Variants in OSBPL3 observed in about 807,000 individuals in gnomAD.
OSBPL3 encodes the protein oxysterol-binding protein-related protein 3.
In OSBPL3, 65 loss-of-function variants were observed where a neutral mutation model predicts 120.1. That is an observed-to-expected ratio of 0.54 (90% CI 0.44 to 0.67). The LOEUF (loss-of-function observed/expected upper bound fraction) is 0.67, where lower values mean the gene tolerates loss of function less well. OSBPL3 is among the 30% of genes least tolerant of loss of function. The pLI, the probability that OSBPL3 is intolerant of heterozygous loss-of-function variation, is 0.00. For missense variants in OSBPL3, 1,004 were observed against 1,082.1 expected, an observed-to-expected ratio of 0.93 and a Z score of 1.01; for synonymous variants, 416 against 402.6, an observed-to-expected ratio of 1.03 and a Z score of -0.40.
At chr7:24,823,991 A>G (rs1795410416) in intron 16 of OSBPL3, among the ~76,000 whole-genome samples, 1 of 152,170 alleles carries the variant, frequency 6.6e-6, no homozygotes, top group Admixed American at 6.5e-5. Flanking sequence ...CAGTAAATGC[A>G]TTTGTCTGAA....
chr7:24,860,603 C>CT (rs932029134), intron 10 of OSBPL3, among the ~76,000 whole-genome samples: 4 of 152,168 alleles, frequency 2.6e-5, no homozygotes, highest in East Asian at 1.9e-4. Flanking sequence ...CATTAAACCT[C>CT]TTTTTCTTTA....
rs534360661 is a variant in OSBPL3, at chr7:24,865,968, TC to T, written c.549+101del. The T allele has an allele frequency of 1.3e-4, 116 of 864,198 alleles. No individual in the cohort carries two copies. In the African/African-American group the frequency reaches 1.6e-3, roughly 12 times the overall value. 53.5% of individuals were successfully genotyped at this position (864,198 alleles called of 1,614,324 possible). ...TACCAGCCCAAGCCTACCCTGCTTG[TC>T]CCCGAAAACTTTTCCTTCTTCGGAC... is the stretch of plus-strand genomic sequence containing the variant. On this transcript the variant is annotated intron_variant, in intron 6 of 22. Transcript: ENST00000313367.
rs530495590 is a variant in OSBPL3 at position 24,900,175 on chromosome 7, G to T, written c.-149-7554C>A. 6.6e-6 allele frequency among the ~76,000 whole-genome samples: 1 copy of T among 152,312 alleles called. No homozygotes were observed. Among genetic ancestry groups the T allele is most frequent in the East Asian group, 1.9e-4 (1 of 5,194 alleles). ...GACCAACAAAATCAGGAACTGAGAG[G>T]GGGACCCTGGGATCTGTTTTTCACA... On this transcript the variant is annotated intron_variant, in intron 1 of 22. Transcript: ENST00000313367. The surrounding 1 kb of genome is among the most constrained non-coding windows in gnomAD (Gnocchi z 4.5).
intron 16 of OSBPL3, among the ~76,000 whole-genome samples, chr7:24,826,402 G>A (rs1278872541): frequency 6.6e-6 from 1 of 152,180 alleles, no homozygotes; most frequent in Non-Finnish European, 1.5e-5. Flanking sequence ...CAGGAGTGGA[G>A]AACAAAGTCC....
At position 24,894,981 on chromosome 7, in the gene OSBPL3, T is replaced by TG. The variant is rs1221458703; in HGVS notation, c.-149-2361dup. Among the ~76,000 whole-genome samples, 1 of 152,102 alleles carries TG rather than the reference T, an allele frequency of 6.6e-6. No homozygotes were observed. The highest frequency in any genetic ancestry group is 1.5e-5 in the Non-Finnish European group (1 of 68,014). On this transcript the variant is annotated intron_variant, in intron 1 of 22. Coordinates refer to ENST00000313367, the MANE Select transcript of OSBPL3 (RefSeq NM_015550.4). This position sits in a 1 kb window ranked among gnomAD's most constrained non-coding sequence, Gnocchi z 4.1. ...ATGACCCCCTGGTGACCCCTACCCC[T>TG]GTCTCCTTTCCCCTTCTGGGAAAGA... is the stretch of plus-strand genomic sequence containing the variant.
intron 1 of OSBPL3, among the ~76,000 whole-genome samples, chr7:24,960,303 C>T (rs897573399): frequency 6.6e-6 from 1 of 152,016 alleles, no homozygotes; most frequent in Non-Finnish European, 1.5e-5. Context: ...AAAGGCATGC[C>T]CCGCTAGTGT....
rs1287585061 is a variant in OSBPL3 at position 24,922,906 on chromosome 7, AACAAACAAAAAAG to A, written c.-149-30298_-149-30286del. ...TTATTACTTTAGGGTCGATGCAGCA[AACAAACAAAAAAG>A]CAAGTTTGCTTACAGTTTTGGCAGT... On this transcript the variant is annotated intron_variant, in intron 1 of 22. Transcript: ENST00000313367. This position sits in a 1 kb window ranked among gnomAD's most constrained non-coding sequence, Gnocchi z 4.3. Among the ~76,000 whole-genome samples the A allele has an allele frequency of 9.3e-5, 14 of 149,908 alleles. No individual in the cohort carries two copies. The highest frequency in any genetic ancestry group is 3.2e-4 in the African/African-American group (13 of 41,092).
chr7:24,841,694 CAAAAAAAAAAAAAA>C lies in OSBPL3; in HGVS notation c.1401+571_1401+584del, dbSNP rs67988881. ...TGGCCAACAGAATGAGACTATGTCT[CAAAAAAAAAAAAAA>C]AAAAAAAAAAAAAGAGGCCAGGCAC... On this transcript the variant is annotated intron_variant, in intron 13 of 22. Coordinates refer to ENST00000313367, the MANE Select transcript of OSBPL3 (RefSeq NM_015550.4). Among the ~76,000 whole-genome samples the C allele has an allele frequency of 3.6e-3, 44 of 12,156 alleles. 1 individual carries two copies. Among genetic ancestry groups the C allele is most frequent in the Non-Finnish European group, 7.2e-3 (38 of 5,266 alleles). The allele number at this position is 12,156 out of a possible 152,430, so 8.0% of individuals were successfully genotyped here. A position where few individuals can be genotyped will look rare whatever the true frequency, so the allele number is the denominator to read the frequency against.
chr7:24,800,364 T>TTC lies in OSBPL3; in HGVS notation c.2568-86_2568-85insGA, dbSNP rs1554336934. On this transcript the variant is annotated intron_variant, in intron 22 of 22. Coordinates refer to ENST00000313367, the MANE Select transcript of OSBPL3 (RefSeq NM_015550.4). The stretch of plus-strand genomic sequence containing the variant: ...TCTTTCCTTCCTAACCTCCCTGCTT[T>TTC]CCCCATCCTCATTCCCACATGCATT... The TTC allele has an allele frequency of 4.0e-6, 3 of 747,674 alleles. No individual in the cohort carries two copies. The African/African-American group carries it at 5.3e-5, about 13-fold the overall frequency. 46.3% of individuals were successfully genotyped at this position (747,674 alleles called of 1,614,324 possible).
chr7:24,948,288 C>T (rs375846225), intron 1 of OSBPL3, among the ~76,000 whole-genome samples: 1 of 152,214 alleles, frequency 6.6e-6, no homozygotes, highest in African/African-American at 2.4e-5. Flanking sequence ...GAGGAAATAG[C>T]TGAAGTACTT....
In OSBPL3 at chr7:24,879,540, T is replaced by C. The variant is rs1584481742; in HGVS notation, c.97-7471A>G. Among the ~76,000 whole-genome samples, 1 of 152,216 alleles carries C rather than the reference T, an allele frequency of 6.6e-6. No individual in the cohort carries two copies. Among genetic ancestry groups the C allele is most frequent in the Non-Finnish European group, 1.5e-5 (1 of 68,030 alleles). On this transcript the variant is annotated intron_variant, in intron 2 of 22. Coordinates refer to ENST00000313367, the MANE Select transcript of OSBPL3 (RefSeq NM_015550.4). This position sits in a 1 kb window ranked among gnomAD's most constrained non-coding sequence, Gnocchi z 5.6. ...TTGGTTAGCCACAGACCAAAAACAC[T>C]GGTGCCTTCATTACTTAGATAATGG...
At position 24,924,525 on chromosome 7, in the gene OSBPL3, C is replaced by T. The variant is rs539000326; in HGVS notation, c.-149-31904G>A. ...TACACAGAACTGGTTCTAAGAATTG[C>T]CGTCATCTGGCTAAGCTTCTTCCCG... On this transcript the variant is annotated intron_variant, in intron 1 of 22. Transcript: ENST00000313367. 2.0e-4 allele frequency among the ~76,000 whole-genome samples: 30 copies of T among 152,262 alleles called. No individual in the cohort carries two copies. In the South Asian group the frequency reaches 5.8e-3, roughly 30 times the overall value.
rs534685988 is a variant in OSBPL3 at position 24,959,543 on chromosome 7, G to C, written c.-150+20343C>G. On this transcript the variant is annotated intron_variant, in intron 1 of 22. Coordinates refer to ENST00000313367, the MANE Select transcript of OSBPL3 (RefSeq NM_015550.4). The surrounding 1 kb of genome is among the most constrained non-coding windows in gnomAD (Gnocchi z 4.3). ...AATCAGGATGGAAATTACCCATTGC[G>C]GGTAGGGATAGCGACTTCGGAAGAG... Among the ~76,000 whole-genome samples, 1 of 152,138 alleles carries C rather than the reference G, an allele frequency of 6.6e-6. No individual in the cohort carries two copies.
At chr7:24,889,450 C>G (rs1211974742) in intron 2 of OSBPL3, among the ~76,000 whole-genome samples, 3 of 151,690 alleles carry the variant, frequency 2.0e-5, no homozygotes, top group African/African-American at 7.3e-5. Flanking sequence ...GTTCTTACCA[C>G]ACACACACAC....
intron 1 of OSBPL3, among the ~76,000 whole-genome samples, chr7:24,897,068 GGAGGGAGGGAAGA>G (rs1806243865): frequency 6.6e-6 from 1 of 151,566 alleles, no homozygotes; most frequent in Non-Finnish European, 1.5e-5. Flanking sequence ...AGGGAGAGAG[GGAGGGAGGGAAGA>G]GAGGGAGGGA....
At chr7:24,809,458 C>T (rs1193109504) in intron 20 of OSBPL3, among the ~76,000 whole-genome samples, 11 of 152,130 alleles carry the variant, frequency 7.2e-5, no homozygotes, top group Admixed American at 7.2e-4. Context: ...TCCTCTTTGT[C>T]CTTGCTGTAG....
rs74578458 is a variant in OSBPL3, at chr7:24,936,877, G to A, written c.-150+43009C>T. ...TGAGTTGGAATGAGAGAATGGAATA[G>A]GAAGATAAATTATTGAGCTCTTAAA... On this transcript the variant is annotated intron_variant, in intron 1 of 22. Coordinates refer to ENST00000313367, the MANE Select transcript of OSBPL3 (RefSeq NM_015550.4). This position sits in a 1 kb window ranked among gnomAD's most constrained non-coding sequence, Gnocchi z 4.2. 4.8e-3 allele frequency among the ~76,000 whole-genome samples: 729 copies of A among 152,304 alleles called. 4 individuals are homozygous for A. The highest frequency in any genetic ancestry group is 0.017 in the Middle Eastern group (5 of 294).
rs1813024254 is a variant in OSBPL3 at position 24,940,932 on chromosome 7, G to A, written c.-150+38954C>T. Reference sequence around the variant, plus strand: ...CCTCCCGGGTTCAAGCCATTCTCCTGCCCCAGCCTCCCAAGTAGCTGGGAC... The same window carrying A: ...CCTCCCGGGTTCAAGCCATTCTCCTACCCCAGCCTCCCAAGTAGCTGGGAC... On this transcript the variant is annotated intron_variant, in intron 1 of 22. Coordinates refer to ENST00000313367, the MANE Select transcript of OSBPL3 (RefSeq NM_015550.4). This position sits in a 1 kb window ranked among gnomAD's most constrained non-coding sequence, Gnocchi z 4.4. Among the ~76,000 whole-genome samples, 1 of 151,080 alleles carries A rather than the reference G, an allele frequency of 6.6e-6. No individual in the cohort carries two copies. Among genetic ancestry groups the A allele is most frequent in the South Asian group, 2.1e-4 (1 of 4,786 alleles).
chr7:24,857,551 T>A (rs1799986749), intron 10 of OSBPL3, among the ~76,000 whole-genome samples: 1 of 152,208 alleles, frequency 6.6e-6, no homozygotes. Flanking sequence ...CTATACGACA[T>A]TTAACAGGCT....
Sources: allele counts gnomAD v4.1 joint callset (sites outside exome capture counted in the v4.1 genomes callset), GRCh38; gene constraint gnomAD v4.1.1; non-coding constraint Gnocchi (gnomAD v3.1); transcripts MANE v1.5; gene names NCBI Gene and HGNC (gene_info 2026-07-23, HGNC 2026-07-21).